Variants in WFS1 observed in about 807,000 individuals in gnomAD.
WFS1 encodes the protein wolframin.
A neutral mutation model predicts 68.5 loss-of-function variants in WFS1; 90 were observed. The ratio of observed to expected loss-of-function variants is 1.31; its 90% CI spans 1.11 to 1.56. The LOEUF is 1.56. Among genes scored for constraint, WFS1 ranks in the 40% most tolerant of loss-of-function variants. The pLI is 0.00. For missense variants in WFS1, 1,767 were observed against 1,232.6 expected, an observed-to-expected ratio of 1.43 and a Z score of -6.49; for synonymous variants, 860 against 540.7, an observed-to-expected ratio of 1.59 and a Z score of -8.19.
intron 1 of WFS1, 96 bp from the exon 2 acceptor site, chr4:6,277,355 A>T: frequency 8.1e-7 from 1 of 1,234,494 alleles, no homozygotes; most frequent in Non-Finnish European, 1.2e-6. Context: ...GGCAGCTCCC[A>T]CCTGCCTCCC....
At chr4:6,281,135 C>G (rs896273784) in intron 2 of WFS1, among the ~76,000 whole-genome samples, 9 of 152,152 alleles carry the variant, frequency 5.9e-5, no homozygotes, top group African/African-American at 1.7e-4. Flanking sequence ...GACACAGATG[C>G]GGACAGGAGC....
chr4:6,300,527 G>C, intron 7 of WFS1, 130 bp from the exon 8 acceptor site: 1 of 1,391,428 alleles, frequency 7.2e-7, no homozygotes, highest in Admixed American at 2.0e-5. Context: ...ACTAGGATGG[G>C]GCTGGTGATG....
chr4:6,301,476 A>C lies in WFS1; in HGVS notation c.1681A>C (p.Ile561Leu), dbSNP rs766673431. The stretch of plus-strand genomic sequence containing the variant: ...CGGCCTGGGGCTGCTCCGCGCCTCC[A>C]TCGGCTACTTCCTCTTCCTCTTTGC... ...STGLGLLRAS[I>L]GYFLFLFALP... The change falls in exon 8 of 8, where the codon ATC becomes CTC. Residue 561 changes from isoleucine to leucine, a missense_variant. Ile to Leu is a conservative substitution (Grantham distance 5, BLOSUM62 2). Transcript: ENST00000226760. The C allele has an allele frequency of 2.5e-6, 4 of 1,613,012 alleles. No homozygotes were observed. The African/African-American group carries it at 4.0e-5, about 16-fold the overall frequency.
chr4:6,297,066 C>T (rs961583143), intron 7 of WFS1, among the ~76,000 whole-genome samples: 10 of 152,172 alleles, frequency 6.6e-5, no homozygotes, highest in Non-Finnish European at 1.3e-4. Flanking sequence ...CTGGGTCAAG[C>T]GAGCCTCCCA....
intron 7 of WFS1, among the ~76,000 whole-genome samples, chr4:6,296,893 C>T (rs907823293): frequency 2.6e-5 from 4 of 152,244 alleles, no homozygotes; most frequent in Non-Finnish European, 4.4e-5. Flanking sequence ...GGCACGGTCA[C>T]AGCTCACTGC....
rs563466302 is a variant in WFS1, at chr4:6,279,993, C to T, written c.232+2306C>T. Among the ~76,000 whole-genome samples the T allele has an allele frequency of 9.8e-5, 15 of 152,366 alleles. No individual in the cohort carries two copies. The South Asian group carries it at 3.1e-3, about 32-fold the overall frequency. The stretch of plus-strand genomic sequence containing the variant: ...TTCCTTCCCATCCTGGCTCTGTGGC[C>T]TTGGCAAGTCACCTGCCACCTGGGG... On this transcript the variant is annotated intron_variant, in intron 2 of 7. Coordinates refer to ENST00000226760, the MANE Select transcript of WFS1 (RefSeq NM_006005.3).
intron 2 of WFS1, among the ~76,000 whole-genome samples, chr4:6,284,780 G>A (rs1730264292): frequency 6.6e-6 from 1 of 151,414 alleles, no homozygotes; most frequent in South Asian, 2.2e-4. Context: ...CTTCGGAGCA[G>A]TGATGTGGCC....
chr4:6,301,092 G>C lies in WFS1; in HGVS notation c.1297G>C (p.Ala433Pro). ...GGACTGCATCCCCTGCTCGGAGCTG[G>C]CTGTCATCACCGGCTTCTTTACCGT... ...SKDCIPCSEL[A>P]VITGFFTVTS... The change falls in exon 8 of 8, where the codon GCT (alanine) becomes CCT (proline). Residue 433 changes from alanine (A) to proline (P), a missense_variant. By Grantham distance (27) the Ala-to-Pro change is conservative. Transcript: ENST00000226760. 6.2e-7 allele frequency: 1 copy of C among 1,613,926 alleles called. No individual in the cohort carries two copies. Among genetic ancestry groups the C allele is most frequent in the South Asian group, 1.1e-5 (1 of 91,076 alleles).
In WFS1 at chr4:6,300,811, ACTTCTTCGC is replaced by A; in HGVS notation, c.1024_1032del (p.Ala342_Phe344del). ...TTCATCGTCAGCAACCTCACCATCG[ACTTCTTCGC>A]CTTCTTCATCCCGCTGGTCATCTTC... On this transcript the variant is annotated inframe_deletion, in exon 8 of 8. Transcript: ENST00000226760. The A allele has an allele frequency of 2.5e-6, 4 of 1,613,804 alleles. No homozygotes were observed. Among genetic ancestry groups the A allele is most frequent in the East Asian group, 2.2e-5 (1 of 44,850 alleles).
At chr4:6,272,647 A>G (rs1729872469) in intron 1 of WFS1, among the ~76,000 whole-genome samples, 1 of 152,234 alleles carries the variant, frequency 6.6e-6, no homozygotes, top group Non-Finnish European at 1.5e-5. Context: ...AACATCACAC[A>G]TTCATTATAG....
Position 6,302,262 on chromosome 4 carries a change from A to T in WFS1, c.2467A>T (p.Ile823Phe). The change falls in exon 8 of 8, where the codon ATC becomes TTC. Residue 823 changes from isoleucine to phenylalanine, a missense_variant. Physicochemically the swap from Ile to Phe is conservative, Grantham distance 21 (BLOSUM62 0). Coordinates refer to ENST00000226760, the MANE Select transcript of WFS1 (RefSeq NM_006005.3). Reference protein sequence around the residue: ...VLLSLRQGSLIEFSTILEGRL... With the variant: ...VLLSLRQGSLFEFSTILEGRL... ...GCTCAGCCTGCGCCAGGGCAGCCTC[A>T]TCGAGTTCAGCACCATCCTGGAGGG... is the stretch of plus-strand genomic sequence containing the variant. 2 of 1,604,920 alleles carry T rather than the reference A, an allele frequency of 1.2e-6. No homozygotes were observed. Among genetic ancestry groups the T allele is most frequent in the South Asian group, 2.2e-5 (2 of 90,838 alleles).
At chr4:6,298,813 G>A (rs1730729495) in intron 7 of WFS1, among the ~76,000 whole-genome samples, 1 of 152,228 alleles carries the variant, frequency 6.6e-6, no homozygotes, top group South Asian at 2.1e-4. Context: ...TCACCTAGTT[G>A]CCATTCACCT....
In WFS1 at chr4:6,301,820, A is replaced by T; in HGVS notation, c.2025A>T (p.Pro675=). The T allele has an allele frequency of 6.2e-7, 1 of 1,613,180 alleles. No individual in the cohort carries two copies. Among genetic ancestry groups the T allele is most frequent in the Non-Finnish European group, 8.5e-7 (1 of 1,180,010 alleles). ...AGCAGTATGGTGCGCTGTGCGGGCCACGCGCCTGGAAGGAGACCAACATGG... is the reference window on the plus strand; with the variant it reads ...AGCAGTATGGTGCGCTGTGCGGGCCTCGCGCCTGGAAGGAGACCAACATGG... ...TWQQYGALCG[P]RAWKETNMAR... is the part of the protein sequence containing the mutation. The change falls in exon 8 of 8, where the codon CCA becomes CCT. Residue 675 remains proline (P), a synonymous_variant. Transcript: ENST00000226760.
In WFS1 at chr4:6,277,476, G is replaced by A. The variant is rs372928810; in HGVS notation, c.21G>A (p.Pro7=). The A allele has an allele frequency of 9.0e-6, 14 of 1,557,916 alleles. No homozygotes were observed. Among genetic ancestry groups the A allele is most frequent in the Middle Eastern group, 1.7e-4 (1 of 5,966 alleles). ...GCAGGATGGACTCCAACACTGCTCCGCTGGGCCCCTCCTGCCCACAGCCCC... is the reference window on the plus strand; with the variant it reads ...GCAGGATGGACTCCAACACTGCTCCACTGGGCCCCTCCTGCCCACAGCCCC... The part of the protein sequence containing the change: MDSNTA[P]LGPSCPQPPP... Residue 7 remains proline (P), a synonymous_variant, in exon 2 of 8, where the codon CCG becomes CCA. Coordinates refer to ENST00000226760, the MANE Select transcript of WFS1 (RefSeq NM_006005.3).
At chr4:6,274,471 T>A (rs1578583159) in intron 1 of WFS1, among the ~76,000 whole-genome samples, 1 of 152,034 alleles carries the variant, frequency 6.6e-6, no homozygotes, top group East Asian at 1.9e-4. Flanking sequence ...CACAGTGAGG[T>A]CATGTGGCCA....
chr4:6,302,812 C>T lies in WFS1; in HGVS notation c.*344C>T. ...TTCCCTCTCCTCCCCCACCTTCAAGCACCCTGTTCCCTCTTTCTTTCTTTT... is the reference window on the plus strand; with the variant it reads ...TTCCCTCTCCTCCCCCACCTTCAAGTACCCTGTTCCCTCTTTCTTTCTTTT... On this transcript the variant is annotated 3_prime_UTR_variant, in exon 8 of 8. Coordinates refer to ENST00000226760, the MANE Select transcript of WFS1 (RefSeq NM_006005.3). The T allele has an allele frequency of 2.4e-6, 1 of 410,478 alleles. No individual in the cohort carries two copies. Among genetic ancestry groups the T allele is most frequent in the South Asian group, 3.4e-5 (1 of 29,454 alleles). 25.4% of individuals were successfully genotyped at this position (410,478 alleles called of 1,614,324 possible).
At position 6,302,393 on chromosome 4, in the gene WFS1, C is replaced by T. The variant is rs772868825; in HGVS notation, c.2598C>T (p.Asp866=). 3 of 1,613,148 alleles carry T rather than the reference C, an allele frequency of 1.9e-6. 1 individual carries two copies. The South Asian group carries it at 3.3e-5, about 18-fold the overall frequency. ...GGCGGCACGTGAAGATCGAGCACGA[C>T]TGGCGCAGCACCGTGCATGGCGCCG... is the stretch of plus-strand genomic sequence containing the variant. ...PTRRHVKIEH[D]WRSTVHGAVK... The change falls in exon 8 of 8, where the codon GAC becomes GAT. Residue 866 remains aspartate (D), a synonymous_variant. Transcript: ENST00000226760.
In WFS1 at chr4:6,277,644, C is replaced by T; in HGVS notation, c.189C>T (p.Pro63=). Residue 63 remains proline (P), a synonymous_variant, in exon 2 of 8, where the codon CCC becomes CCT. Coordinates refer to ENST00000226760, the MANE Select transcript of WFS1 (RefSeq NM_006005.3). ...GAGACGCAGCGGCCCCCGCTGAACC[C>T]CAGGCCCAGCATACCAGGAGCCGGG... ...GVRDAAAPAE[P]QAQHTRSRER... is the part of the protein sequence containing the mutation. 1 of 1,567,546 alleles carries T rather than the reference C, an allele frequency of 6.4e-7. No individual in the cohort carries two copies. Among genetic ancestry groups the T allele is most frequent in the Non-Finnish European group, 8.6e-7 (1 of 1,156,636 alleles).
chr4:6,287,790 G>T lies in WFS1; in HGVS notation c.315+615G>T, dbSNP rs1730356193. On this transcript the variant is annotated intron_variant, in intron 3 of 7. Transcript: ENST00000226760. This position sits in a 1 kb window ranked among gnomAD's most constrained non-coding sequence, Gnocchi z 6.4. ...GGTGGCAGGGGGTCCTGTGTCCTCT[G>T]TGGAGGCAAGTTCTCACCACCTCAC... is the stretch of plus-strand genomic sequence containing the variant. Among the ~76,000 whole-genome samples, 1 of 152,214 alleles carries T rather than the reference G, an allele frequency of 6.6e-6. No individual in the cohort carries two copies. The highest frequency in any genetic ancestry group is 2.1e-4 in the South Asian group (1 of 4,826).
Sources: allele counts gnomAD v4.1 joint callset (sites outside exome capture counted in the v4.1 genomes callset), GRCh38; gene constraint gnomAD v4.1.1; non-coding constraint Gnocchi (gnomAD v3.1); transcripts MANE v1.5; gene names NCBI Gene and HGNC (gene_info 2026-07-23, HGNC 2026-07-21).